The following PAK5 variants were observed in gnomAD, a reference collection of about 807,000 sequenced individuals.
The protein encoded by PAK5 is p21 (RAC1) activated kinase 5.
A neutral mutation model predicts 65.9 loss-of-function variants in PAK5; 16 were observed. The ratio of observed to expected loss-of-function variants is 0.24; its 90% confidence interval spans 0.16 to 0.37. The LOEUF (loss-of-function observed/expected upper bound fraction) is 0.37. Ranked by LOEUF, PAK5 falls within the 10% of genes least tolerant of loss-of-function variation. The pLI, the probability that PAK5 is intolerant of heterozygous loss-of-function variation, is 1.00. For missense variants in PAK5, 785 were observed against 903.9 expected (o/e 0.87, Z 1.69); for synonymous variants, 371 against 354.9 (o/e 1.05, Z -0.51).
chr20:9,783,926 T>C (rs2123704168), intron 1 of PAK5, among the ~76,000 whole-genome samples: 1 of 152,302 alleles, frequency 6.6e-6, no homozygotes, highest in East Asian at 1.9e-4. Context: ...TTTGTATTCA[T>C]GCCATTCAAT....
intron 9 of PAK5, among the ~76,000 whole-genome samples, chr20:9,542,139 C>T (rs573913539): frequency 6.6e-6 from 1 of 152,294 alleles, no homozygotes; most frequent in East Asian, 1.9e-4. Context: ...GTATGTACCA[C>T]ACTCTGAAAT....
chr20:9,700,768 C>T (rs1404307434), intron 2 of PAK5, among the ~76,000 whole-genome samples: 1 of 152,168 alleles, frequency 6.6e-6, no homozygotes, highest in Non-Finnish European at 1.5e-5. Flanking sequence ...CATTTTGAAA[C>T]TCATCCATCT....
chr20:9,728,249 C>T (rs2048298302), intron 1 of PAK5, among the ~76,000 whole-genome samples: 1 of 151,910 alleles, frequency 6.6e-6, no homozygotes, highest in African/African-American at 2.4e-5. Context: ...AGACACTGAA[C>T]CTGGTGGTGC....
intron 1 of PAK5, among the ~76,000 whole-genome samples, chr20:9,725,797 G>A (rs2048270274): frequency 6.6e-6 from 1 of 152,092 alleles, no homozygotes; most frequent in Non-Finnish European, 1.5e-5. Context: ...GTCATTATAT[G>A]AGTAAATTTT....
chr20:9,623,007 A>G (rs1331609835), intron 3 of PAK5, among the ~76,000 whole-genome samples: 3 of 152,232 alleles, frequency 2.0e-5, no homozygotes, highest in Admixed American at 6.5e-5. Context: ...TTAAAACACA[A>G]TATGCAGAAA....
chr20:9,684,494 A>G (rs895408856), intron 2 of PAK5, among the ~76,000 whole-genome samples: 1 of 152,222 alleles, frequency 6.6e-6, no homozygotes, highest in African/African-American at 2.4e-5. Flanking sequence ...GTGCAGAAAA[A>G]AGCTATTGAT....
chr20:9,560,279 A>G (rs73600243), intron 6 of PAK5, among the ~76,000 whole-genome samples: 2 of 152,206 alleles, frequency 1.3e-5, no homozygotes, highest in East Asian at 3.8e-4. Context: ...CTTGGCATGG[A>G]ATAAAAAACC....
chr20:9,569,315 C>T (rs2045736032), intron 4 of PAK5, among the ~76,000 whole-genome samples: 1 of 152,076 alleles, frequency 6.6e-6, no homozygotes, highest in East Asian at 1.9e-4. Flanking sequence ...ACTTAGGAGA[C>T]TTAGGCATGC....
intron 2 of PAK5, among the ~76,000 whole-genome samples, chr20:9,691,453 G>T: frequency 6.6e-6 from 1 of 152,090 alleles, no homozygotes; most frequent in African/African-American, 2.4e-5. Context: ...AAAGACTGTC[G>T]GTCATTTTTC....
At chr20:9,679,133 C>T (rs1381224133) in intron 2 of PAK5, among the ~76,000 whole-genome samples, 1 of 152,150 alleles carries the variant, frequency 6.6e-6, no homozygotes, top group East Asian at 1.9e-4. Context: ...GGTCCACTTC[C>T]ACTTAATGAA....
intron 6 of PAK5, among the ~76,000 whole-genome samples, chr20:9,561,833 A>G (rs2045594982): frequency 2.0e-5 from 3 of 152,198 alleles, no homozygotes; most frequent in Admixed American, 2.0e-4. Flanking sequence ...CAAATGTAAC[A>G]TGCTATTTTG....
chr20:9,653,616 C>A (rs992556725), intron 2 of PAK5, among the ~76,000 whole-genome samples: 42 of 152,210 alleles, frequency 2.8e-4, no homozygotes, highest in African/African-American at 9.9e-4. Context: ...ATCATCAATT[C>A]CTATCCATTC....
At chr20:9,817,785 CCCATTACATAAACTG>C (rs1316206140) in intron 1 of PAK5, among the ~76,000 whole-genome samples, 1 of 152,122 alleles carries the variant, frequency 6.6e-6, no homozygotes, top group African/African-American at 2.4e-5. Context: ...CAATCTCTTA[CCCATTACATAAACTG>C]CCTTTGCACA....
rs71803029 is a variant in PAK5 at position 9,620,959 on chromosome 20, AAGAG to A, written c.204+23162_204+23165del. Among the ~76,000 whole-genome samples, 1,090 of 146,154 alleles carry A rather than the reference AAGAG, an allele frequency of 7.5e-3. 7 individuals are homozygous for A. The highest frequency in any genetic ancestry group is 0.016 in the African/African-American group (655 of 39,836). ...CAGCAGCCAGAGAAAGAGAGAGAGA[AAGAG>A]AGAGAGAGAGAGAGAGAGAGAGAAC... is the stretch of plus-strand genomic sequence containing the variant. On this transcript the variant is annotated intron_variant, in intron 3 of 9. Coordinates refer to ENST00000353224, the MANE Select transcript of PAK5 (RefSeq NM_177990.4).
At chr20:9,709,172 A>C (rs1403209374) in intron 2 of PAK5, among the ~76,000 whole-genome samples, 1 of 152,194 alleles carries the variant, frequency 6.6e-6, no homozygotes. Context: ...AGTTTTATCT[A>C]GTCCAGTGGA....
intron 1 of PAK5, among the ~76,000 whole-genome samples, chr20:9,810,634 A>G (rs1006360302): frequency 5.3e-5 from 8 of 152,232 alleles, no homozygotes; most frequent in African/African-American, 1.9e-4. Flanking sequence ...CTTAAGTGTG[A>G]TGCCAAATTT....
intron 1 of PAK5, among the ~76,000 whole-genome samples, chr20:9,832,870 T>C (rs563687552): frequency 3.9e-5 from 6 of 152,236 alleles, no homozygotes; most frequent in Non-Finnish European, 8.8e-5. Flanking sequence ...TATTGTTTAC[T>C]CACTGATTTG....
chr20:9,812,478 A>G lies in PAK5; in HGVS notation c.-162+26284T>C, dbSNP rs192688398. Among the ~76,000 whole-genome samples, 377 of 152,286 alleles carry G rather than the reference A, an allele frequency of 2.5e-3. 3 individuals are homozygous for G. Among genetic ancestry groups the G allele is most frequent in the African/African-American group, 8.6e-3 (357 of 41,570 alleles). ...AGCAAAAATTTTAAAAAGACTTACT[A>G]TAAAGTGTTGGAACAATTGGAACTC... On this transcript the variant is annotated intron_variant, in intron 1 of 9. Coordinates refer to ENST00000353224, the MANE Select transcript of PAK5 (RefSeq NM_177990.4).
rs1179336173 is a variant in PAK5, at chr20:9,539,348, A to C, written c.*114T>G. ...ACCCTGCCGGTCATCACGCTGTCCC[A>C]CCAATTGGCTGGTCTAGAATGCACA... On this transcript the variant is annotated 3_prime_UTR_variant, in exon 10 of 10. Coordinates refer to ENST00000353224, the MANE Select transcript of PAK5 (RefSeq NM_177990.4). 2.0e-6 allele frequency: 2 copies of C among 986,640 alleles called. No individual in the cohort carries two copies. Among genetic ancestry groups the C allele is most frequent in the Non-Finnish European group, 3.1e-6 (2 of 643,720 alleles). The allele number at this position is 986,640 out of a possible 1,614,324, so 61.1% of individuals were successfully genotyped here. A position where few individuals can be genotyped will look rare whatever the true frequency, so the allele number is the denominator to read the frequency against.
Sources: gnomAD v4.1 joint callset for allele counts (sites outside exome capture counted in the v4.1 genomes callset) on GRCh38, gnomAD v4.1.1 for gene constraint, MANE v1.5 for transcripts, NCBI Gene and HGNC (gene_info 2026-07-23, HGNC 2026-07-21) for gene names.